The following STIM2 variants were observed in gnomAD, a reference collection of about 807,000 sequenced individuals.
STIM2 encodes stromal interaction molecule 2.
STIM2 carries 31 observed loss-of-function variants against 85.8 expected under a neutral mutation model. That is an observed-to-expected ratio of 0.36 (90% CI 0.27 to 0.49). The LOEUF is 0.49. STIM2 is among the 20% of genes least tolerant of loss of function. The pLI, the probability that STIM2 is intolerant of heterozygous loss-of-function variation, is 0.98. For missense variants in STIM2, 841 were observed against 927.6 expected (o/e 0.91, Z 1.21); for synonymous variants, 356 against 331.1 (o/e 1.08, Z -0.82).
chr4:26,919,660 T>C (rs968306774), intron 2 of STIM2, 26 bp downstream of exon 2: 6 of 1,612,658 alleles, frequency 3.7e-6, no homozygotes. Context: ...TTTTCCTTGC[T>C]ATTGTCTTAG....
At chr4:26,872,638 AAGT>A (rs1722667609) in intron 1 of STIM2, among the ~76,000 whole-genome samples, 1 of 152,226 alleles carries the variant, frequency 6.6e-6, no homozygotes, top group South Asian at 2.1e-4. Flanking sequence ...TTTGAATGCC[AAGT>A]ATATTACAAG....
chr4:27,017,810 A>G lies in STIM2; in HGVS notation c.1589A>G (p.Gln530Arg), dbSNP rs1237769649. The stretch of plus-strand genomic sequence containing the variant: ...TCCTCGCCTCAGCCTCAGCGAGCTC[A>G]GCTTGCTCCACACGCCCCCCACCCG... The change falls in exon 11 of 12, where the codon CAG becomes CGG. Residue 530 changes from glutamine (Q) to arginine (R), a missense_variant. Gln to Arg is a conservative substitution (Grantham distance 43, BLOSUM62 1). Around this residue, in one of 3 missense-constraint regions of STIM2, gnomAD observed 293 missense variants for 284.5 expected, o/e 1.03. Transcript: ENST00000467087. 2 of 1,614,084 alleles carry G rather than the reference A, an allele frequency of 1.2e-6. No individual in the cohort carries two copies. Among genetic ancestry groups the G allele is most frequent in the Non-Finnish European group, 1.7e-6 (2 of 1,180,020 alleles).
chr4:26,896,609 T>G (rs1465131567), intron 1 of STIM2, among the ~76,000 whole-genome samples: 1 of 152,230 alleles, frequency 6.6e-6, no homozygotes, highest in Admixed American at 6.5e-5. Context: ...CATTGTAATA[T>G]TGAATCTTCC....
At chr4:27,019,346 A>C in intron 11 of STIM2, 1 of 1,009,720 alleles carries the variant, frequency 9.9e-7, no homozygotes, top group Non-Finnish European at 1.4e-6. Flanking sequence ...GGAGAATCTG[A>C]TGCGACTTTG....
At chr4:26,890,606 C>T (rs1014325610) in intron 1 of STIM2, among the ~76,000 whole-genome samples, 158 of 152,106 alleles carry the variant, frequency 1.0e-3, no homozygotes, top group Admixed American at 3.5e-3. Flanking sequence ...GGGTGGATCA[C>T]GAGGTCAGGA....
intron 1 of STIM2, among the ~76,000 whole-genome samples, chr4:26,875,297 C>G (rs989352724): frequency 3.9e-5 from 6 of 152,062 alleles, no homozygotes; most frequent in African/African-American, 1.4e-4. Flanking sequence ...TGCACATATG[C>G]CGGTCCTCTG....
chr4:27,003,481 A>G (rs1270801634), intron 7 of STIM2, among the ~76,000 whole-genome samples: 1 of 152,220 alleles, frequency 6.6e-6, no homozygotes, highest in African/African-American at 2.4e-5. Context: ...TTAAACATCC[A>G]TTTGAATCCT....
intron 1 of STIM2, chr4:26,874,068 C>G: frequency 1.6e-6 from 1 of 644,188 alleles, no homozygotes; most frequent in East Asian, 3.2e-5. Context: ...GGACTTGGCA[C>G]CTGAGGTACT....
intron 1 of STIM2, among the ~76,000 whole-genome samples, chr4:26,898,729 A>T (rs948859373): frequency 6.6e-6 from 1 of 152,172 alleles, no homozygotes. Context: ...TCTACAGAAG[A>T]CACCAATGGG....
intron 1 of STIM2, among the ~76,000 whole-genome samples, chr4:26,892,727 T>C (rs1170994714): frequency 6.6e-6 from 1 of 152,228 alleles, no homozygotes; most frequent in Non-Finnish European, 1.5e-5. Flanking sequence ...TCAAGGTCTC[T>C]GGATTAAATT....
At chr4:26,994,269 GC>G (rs1196382815) in intron 3 of STIM2, among the ~76,000 whole-genome samples, 1 of 151,918 alleles carries the variant, frequency 6.6e-6, no homozygotes, top group African/African-American at 2.4e-5. Context: ...TCTGTCACCG[GC>G]CCCTGCTCGT....
At chr4:26,874,693 A>T (rs1300355648) in intron 1 of STIM2, among the ~76,000 whole-genome samples, 3 of 152,246 alleles carry the variant, frequency 2.0e-5, no homozygotes, top group African/African-American at 7.2e-5. Flanking sequence ...ACATTAAAAA[A>T]GTGCTGGTTA....
intron 1 of STIM2, among the ~76,000 whole-genome samples, chr4:26,901,480 T>C (rs1197569896): frequency 6.6e-6 from 1 of 152,166 alleles, no homozygotes; most frequent in Non-Finnish European, 1.5e-5. Context: ...AATCAGAACA[T>C]TTTCTTTTAA....
intron 2 of STIM2, among the ~76,000 whole-genome samples, chr4:26,938,189 T>C (rs1007633261): frequency 1.3e-5 from 2 of 151,900 alleles, no homozygotes; most frequent in Non-Finnish European, 2.9e-5. Flanking sequence ...TCTTTTTTTT[T>C]TTAAAACAAA....
intron 1 of STIM2, among the ~76,000 whole-genome samples, chr4:26,892,792 G>A (rs1460953450): frequency 6.6e-6 from 1 of 152,106 alleles, no homozygotes; most frequent in Non-Finnish European, 1.5e-5. Context: ...AAAGTGTATT[G>A]CCTTTCAATC....
At chr4:26,885,871 A>ATATATATATGTATG (rs1560194736) in intron 1 of STIM2, among the ~76,000 whole-genome samples, 12 of 117,888 alleles carry the variant, frequency 1.0e-4, no homozygotes, top group Non-Finnish European at 1.8e-4. Context: ...ATATATATAT[A>ATATATATATGTATG]TATGTATATG....
intron 2 of STIM2, among the ~76,000 whole-genome samples, chr4:26,957,199 T>C (rs1435906824): frequency 6.6e-6 from 1 of 152,192 alleles, no homozygotes; most frequent in Non-Finnish European, 1.5e-5. Context: ...TGTTGTAATA[T>C]ATTGTTTAGG....
At chr4:26,967,976 C>T (rs1413059451) in intron 3 of STIM2, among the ~76,000 whole-genome samples, 1 of 152,020 alleles carries the variant, frequency 6.6e-6, no homozygotes, top group African/African-American at 2.4e-5. Context: ...TTGAGACTAG[C>T]CTGGCCAACA....
chr4:26,992,101 T>C lies in STIM2; in HGVS notation c.398-3278T>C, dbSNP rs1577483890. On this transcript the variant is annotated intron_variant, in intron 3 of 11. Transcript: ENST00000467087. ...AATTCTTTTACCATCAAGAATTTCT[T>C]ATGTAATGAAAAATCGCTTGTACCC... Among the ~76,000 whole-genome samples, 3 of 152,222 alleles carry C rather than the reference T, an allele frequency of 2.0e-5. No individual in the cohort carries two copies. The South Asian group carries it at 6.2e-4, about 32-fold the overall frequency.
Sources: gnomAD v4.1 joint callset for allele counts (sites outside exome capture counted in the v4.1 genomes callset) on GRCh38, gnomAD v4.1.1 for gene constraint, gnomAD v4.1.1 regional missense constraint, MANE v1.5 for transcripts, NCBI Gene and HGNC (gene_info 2026-07-23, HGNC 2026-07-21) for gene names.